The following PLN variants were observed in gnomAD, a reference collection of about 807,000 sequenced individuals.
PLN encodes the protein cardiac phospholamban.
PLN carries 1 observed loss-of-function variant against 3.9 expected under a neutral mutation model. The observed-to-expected ratio is 0.26, with a 90% CI of 0.09 to 1.23. PLN has a LOEUF of 1.23. PLN is among the 50% of genes most tolerant of loss of function. PLN has a pLI of 0.48. For missense variants in PLN, 59 were observed against 62.7 expected, an observed-to-expected ratio of 0.94 and a Z score of 0.20; for synonymous variants, 21 against 20.5, an observed-to-expected ratio of 1.02 and a Z score of -0.07.
chr6:118,559,453 G>A lies in PLN; in HGVS notation c.*373G>A. 2 of 272,444 alleles carry A rather than the reference G, an allele frequency of 7.3e-6. No homozygotes were observed. The highest frequency in any genetic ancestry group is 1.5e-5 in the Non-Finnish European group (2 of 131,094). 16.9% of individuals were successfully genotyped at this position (272,444 alleles called of 1,614,324 possible). On this transcript the variant is annotated 3_prime_UTR_variant, in exon 2 of 2. Coordinates refer to ENST00000357525, the MANE Select transcript of PLN (RefSeq NM_002667.5). The stretch of plus-strand genomic sequence containing the variant: ...AAAGCATTATTTTTACTCTTTTGAG[G>A]TGAATATAATTTATATTACAATGTA...
chr6:118,551,262 GTCAA>G (rs1778525709), intron 1 of PLN, among the ~76,000 whole-genome samples: 1 of 151,710 alleles, frequency 6.6e-6, no homozygotes, highest in Non-Finnish European at 1.5e-5. Context: ...CATACTCATA[GTCAA>G]CTGAGGACCT....
chr6:118,549,047 AAATTC>A (rs1486873663), intron 1 of PLN, among the ~76,000 whole-genome samples: 1 of 152,054 alleles, frequency 6.6e-6, no homozygotes, highest in Non-Finnish European at 1.5e-5. Flanking sequence ...TACTGATATT[AAATTC>A]AATATTGTAT....
Position 118,552,310 on chromosome 6 carries a change from A to G in PLN, c.-98+3918A>G, listed in dbSNP as rs563301939. On this transcript the variant is annotated intron_variant, in intron 1 of 1. Coordinates refer to ENST00000357525, the MANE Select transcript of PLN (RefSeq NM_002667.5). ...CCACCAAAAATACTGAAGTTTGAGA[A>G]GTTCTGCAAGAAGTGAACATACTTA... Among the ~76,000 whole-genome samples, 3 of 152,208 alleles carry G rather than the reference A, an allele frequency of 2.0e-5. No individual in the cohort carries two copies. The South Asian group carries it at 6.2e-4, about 32-fold the overall frequency.
intron 1 of PLN, among the ~76,000 whole-genome samples, chr6:118,554,907 AGTACAACTTACCAGT>A: frequency 6.6e-6 from 1 of 152,330 alleles, no homozygotes; most frequent in East Asian, 1.9e-4. Flanking sequence ...ATGTGACTGA[AGTACAACTTACCAGT>A]GTCAACGTAG....
chr6:118,548,454 A>C (rs1357923464), intron 1 of PLN, 62 bp downstream of exon 1: 1 of 152,076 alleles, frequency 6.6e-6, no homozygotes, highest in African/African-American at 2.4e-5. Flanking sequence ...AATTCCTATA[A>C]TTTCTATAAT....
At chr6:118,552,245 T>C (rs1328232237) in intron 1 of PLN, among the ~76,000 whole-genome samples, 3 of 152,062 alleles carry the variant, frequency 2.0e-5, no homozygotes, top group South Asian at 4.1e-4. Flanking sequence ...TCTACAAACA[T>C]AAAGAATCCC....
At chr6:118,558,759 G>C in intron 1 of PLN, 66 bp from the exon 2 acceptor site, 1 of 658,782 alleles carries the variant, frequency 1.5e-6, no homozygotes, top group East Asian at 2.8e-5. Context: ...GTGTAAAATT[G>C]TATTTTTTGT....
At chr6:118,551,644 A>G (rs1778551797) in intron 1 of PLN, among the ~76,000 whole-genome samples, 1 of 152,060 alleles carries the variant, frequency 6.6e-6, no homozygotes, top group South Asian at 2.1e-4. Flanking sequence ...AATTCTCCTC[A>G]AGACAGAGCT....
intron 1 of PLN, among the ~76,000 whole-genome samples, chr6:118,557,101 T>C (rs892553009): frequency 5.3e-5 from 8 of 152,162 alleles, no homozygotes; most frequent in African/African-American, 1.7e-4. Flanking sequence ...GTACTTAACA[T>C]CAAATCTTAT....
chr6:118,557,966 T>C (rs2114962771), intron 1 of PLN, among the ~76,000 whole-genome samples: 1 of 138,656 alleles, frequency 7.2e-6, no homozygotes, highest in Non-Finnish European at 1.6e-5. Flanking sequence ...CTTTGTTGGC[T>C]TTTTTTTTTT....
At chr6:118,555,435 A>AAG (rs1778802665) in intron 1 of PLN, among the ~76,000 whole-genome samples, 1 of 151,682 alleles carries the variant, frequency 6.6e-6, no homozygotes, top group East Asian at 1.9e-4. Context: ...CAAAAAAAAA[A>AAG]AAAAAAAGTG....
intron 1 of PLN, among the ~76,000 whole-genome samples, chr6:118,551,695 G>C (rs1368072659): frequency 1.3e-5 from 2 of 151,976 alleles, no homozygotes; most frequent in Non-Finnish European, 2.9e-5. Context: ...ATTTAGGAAT[G>C]AGAATATATT....
rs754767918 is a variant in PLN, at chr6:118,561,568, T to C, written c.*2488T>C. 7.2e-5 allele frequency among the ~76,000 whole-genome samples: 11 copies of C among 152,148 alleles called. No homozygotes were observed. Among genetic ancestry groups the C allele is most frequent in the Non-Finnish European group, 1.5e-4 (10 of 68,004 alleles). On this transcript the variant is annotated 3_prime_UTR_variant, in exon 2 of 2. Coordinates refer to ENST00000357525, the MANE Select transcript of PLN (RefSeq NM_002667.5). ...CTAAATGCTCAAATATGTTCTACTA[T>C]AGAATAAGTTCTTATCTTAATTTAC...
Position 118,559,452 on chromosome 6 carries a change from G to T in PLN, c.*372G>T. 1.5e-5 allele frequency: 4 copies of T among 271,476 alleles called. No individual in the cohort carries two copies. The highest frequency in any genetic ancestry group is 9.1e-5 in the South Asian group (2 of 21,938). The allele number at this position is 271,476 out of a possible 1,614,324, so 16.8% of individuals were successfully genotyped here. A position where few individuals can be genotyped will look rare whatever the true frequency, so the allele number is the denominator to read the frequency against. Reference sequence around the variant, plus strand: ...TAAAGCATTATTTTTACTCTTTTGAGGTGAATATAATTTATATTACAATGT... The same window carrying T: ...TAAAGCATTATTTTTACTCTTTTGATGTGAATATAATTTATATTACAATGT... On this transcript the variant is annotated 3_prime_UTR_variant, in exon 2 of 2. Transcript: ENST00000357525.
chr6:118,558,047 C>A (rs1046096651), intron 1 of PLN, among the ~76,000 whole-genome samples: 1 of 151,930 alleles, frequency 6.6e-6, no homozygotes, highest in East Asian at 1.9e-4. Flanking sequence ...TCAATGCAAC[C>A]CCTGCCTCCT....
At chr6:118,550,368 A>C (rs993349090) in intron 1 of PLN, among the ~76,000 whole-genome samples, 1 of 151,816 alleles carries the variant, frequency 6.6e-6, no homozygotes, top group Non-Finnish European at 1.5e-5. Flanking sequence ...TGTACACTAA[A>C]TTATGTAATA....
chr6:118,550,282 T>C (rs1041165837), intron 1 of PLN, among the ~76,000 whole-genome samples: 55 of 151,576 alleles, frequency 3.6e-4, no homozygotes, highest in Non-Finnish European at 6.9e-4. Context: ...GATTAAGAAA[T>C]AATAAAATAT....
chr6:118,552,207 T>C (rs1778588218), intron 1 of PLN, among the ~76,000 whole-genome samples: 1 of 151,736 alleles, frequency 6.6e-6, no homozygotes, highest in Admixed American at 6.6e-5. Context: ...ATAAACAAAA[T>C]TAAAAGGAGA....
In PLN at chr6:118,560,010, C is replaced by A. The variant is rs1160155126; in HGVS notation, c.*930C>A. On this transcript the variant is annotated 3_prime_UTR_variant, in exon 2 of 2. Coordinates refer to ENST00000357525, the MANE Select transcript of PLN (RefSeq NM_002667.5). Reference sequence around the variant, plus strand: ...ATGATTTTGCAGGTTGTCTTCCATTCCAGCCTAACATCCAATGCAGGCAAG... The same window carrying A: ...ATGATTTTGCAGGTTGTCTTCCATTACAGCCTAACATCCAATGCAGGCAAG... The A allele has an allele frequency of 1.8e-5, 3 of 167,042 alleles. No individual in the cohort carries two copies. The highest frequency in any genetic ancestry group is 2.9e-5 in the Non-Finnish European group (2 of 68,102). 10.3% of individuals were successfully genotyped at this position (167,042 alleles called of 1,614,324 possible). A position where few individuals can be genotyped will look rare whatever the true frequency, so the allele number is the denominator to read the frequency against.
Sources: allele counts gnomAD v4.1 joint callset (sites outside exome capture counted in the v4.1 genomes callset), GRCh38; gene constraint gnomAD v4.1.1; transcripts MANE v1.5; gene names NCBI Gene and HGNC (gene_info 2026-07-23, HGNC 2026-07-21).